The following THBS1 variants were observed in gnomAD, a reference collection of about 807,000 sequenced individuals.
THBS1 encodes thrombospondin 1, also known as thrombospondin-1.
In THBS1, 29 loss-of-function variants were observed where a neutral mutation model predicts 126.1. The ratio of observed to expected loss-of-function variants is 0.23; its 90% confidence interval spans 0.17 to 0.31. The LOEUF (loss-of-function observed/expected upper bound fraction) is 0.31, where lower values mean the gene tolerates loss of function less well. THBS1 is among the 10% of genes least tolerant of loss of function. THBS1 has a pLI of 1.00. For missense variants in THBS1, 1,198 were observed against 1,545.2 expected (o/e 0.78, Z 3.77); for synonymous variants, 496 against 577.8 (o/e 0.86, Z 2.03).
chr15:39,586,362 G>C (rs1333556051), intron 7 of THBS1, among the ~76,000 whole-genome samples: 4 of 152,190 alleles, frequency 2.6e-5, no homozygotes, highest in Non-Finnish European at 4.4e-5. Flanking sequence ...CACTTAACAT[G>C]TGCGTTAAAA....
chr15:39,593,173 C>T lies in THBS1; in HGVS notation c.2941C>T (p.His981Tyr). ...SQNDPNWVVR[H>Y]QGKELVQTVN... ...AAATGACCCTAACTGGGTTGTACGC[C>T]ATCAGGGTAAAGAACTCGTCCAGAC... is the stretch of plus-strand genomic sequence containing the variant. Residue 981 changes from histidine to tyrosine, a missense_variant, in exon 18 of 22, where the codon CAT (histidine) becomes TAT (tyrosine). Physicochemically the swap from His to Tyr is moderately conservative, Grantham distance 83. Around this residue, in one of 4 missense-constraint regions of THBS1, gnomAD observed 255 missense variants for 373.9 expected, o/e 0.68. Transcript: ENST00000260356. This position sits in a 1 kb window ranked among gnomAD's most constrained non-coding sequence, Gnocchi z 5.9. 6.2e-7 allele frequency: 1 copy of T among 1,611,498 alleles called. No homozygotes were observed.
At chr15:39,591,057 T>C (rs1294761059) in intron 14 of THBS1, 134 bp from the exon 15 acceptor site, 37 of 983,486 alleles carry the variant, frequency 3.8e-5, no homozygotes, top group Non-Finnish European at 5.4e-5. Flanking sequence ...TTACACTGAG[T>C]GATCAATTAG....
At position 39,593,236 on chromosome 15, in the gene THBS1, C is replaced by A. The variant is rs753227289; in HGVS notation, c.2995+9C>A. 6.2e-7 allele frequency: 1 copy of A among 1,613,026 alleles called. No individual in the cohort carries two copies. The highest frequency in any genetic ancestry group is 8.5e-7 in the Non-Finnish European group (1 of 1,179,086). ...TCCTGGACTCGCTGTAGGTGAGTAG[C>A]GAGTTCTTAGATCCTAAGAGACTGA... On this transcript the variant is annotated intron_variant, in intron 18 of 21. Coordinates refer to ENST00000260356, the MANE Select transcript of THBS1 (RefSeq NM_003246.4). This position sits in a 1 kb window ranked among gnomAD's most constrained non-coding sequence, Gnocchi z 5.9.
In THBS1 at chr15:39,591,287, G is replaced by A; in HGVS notation, c.2350G>A (p.Asp784Asn). The change falls in exon 15 of 22, where the codon GAT becomes AAT. Residue 784 changes from aspartate to asparagine, a missense_variant. This residue lies in a region of THBS1 where 663 missense variants were observed against 860.1 expected (regional missense o/e 0.77). Coordinates refer to ENST00000260356, the MANE Select transcript of THBS1 (RefSeq NM_003246.4). ...CAACTGTCCCTACAACCACAACCCA[G>A]ATCAGGCAGACACAGACAACAATGG... ...CDNCPYNHNPDQADTDNNGEG... is the reference protein window; with the variant it reads ...CDNCPYNHNPNQADTDNNGEG... 6.2e-7 allele frequency: 1 copy of A among 1,614,210 alleles called. No homozygotes were observed. Among genetic ancestry groups the A allele is most frequent in the Non-Finnish European group, 8.5e-7 (1 of 1,180,038 alleles).
Position 39,581,639 on chromosome 15 carries a change from C to CCTCTCTCTCTCTCTCT in THBS1, c.-29-176_-29-161dup, listed in dbSNP as rs3138595. On this transcript the variant is annotated intron_variant, in intron 1 of 21. Coordinates refer to ENST00000260356, the MANE Select transcript of THBS1 (RefSeq NM_003246.4). ...TTAAAACCAGCATCTCTTTCCTCCA[C>CCTCTCTCTCTCTCTCT]CTCTCTCTCTCTCTCTCTCTCTCTC... 722 of 366,000 alleles carry CCTCTCTCTCTCTCTCT rather than the reference C, an allele frequency of 2.0e-3. 17 individuals carry two copies. The highest frequency in any genetic ancestry group is 0.018 in the African/African-American group (659 of 36,446). The allele number at this position is 366,000 out of a possible 1,614,324, so 22.7% of individuals were successfully genotyped here.
At chr15:39,582,861 AT>A in intron 3 of THBS1, 109 bp downstream of exon 3, 2 of 1,259,494 alleles carry the variant, frequency 1.6e-6, no homozygotes, top group Non-Finnish European at 2.1e-6. Flanking sequence ...CAGTTCTCAG[AT>A]TTTAGGCAGC....
In THBS1 at chr15:39,595,953, C is replaced by T. The variant is rs1400899552; in HGVS notation, c.*584C>T. On this transcript the variant is annotated 3_prime_UTR_variant, in exon 22 of 22. Transcript: ENST00000260356. ...TGCTGGATTTCATGATGCTGACTGG[C>T]GTTAGCTGATTAACCCATGTAAATA... The T allele has an allele frequency of 3.2e-5, 14 of 436,708 alleles. No homozygotes were observed. Among genetic ancestry groups the T allele is most frequent in the South Asian group, 8.1e-5 (5 of 61,364 alleles). 27.1% of individuals were successfully genotyped at this position (436,708 alleles called of 1,614,324 possible).
chr15:39,582,552 G>A lies in THBS1; in HGVS notation c.427G>A (p.Val143Met). 6.2e-7 allele frequency: 1 copy of A among 1,614,180 alleles called. No homozygotes were observed. Among genetic ancestry groups the A allele is most frequent in the Admixed American group, 1.7e-5 (1 of 60,016 alleles). ...TVQGKQHVVS[V>M]EEALLATGQW... is the part of the protein sequence containing the mutation. Reference sequence around the variant, plus strand: ...CCAAGGAAAGCAGCACGTGGTGTCTGTGGAAGAAGCTCTCCTGGCAACCGG... The same window carrying A: ...CCAAGGAAAGCAGCACGTGGTGTCTATGGAAGAAGCTCTCCTGGCAACCGG... The change falls in exon 3 of 22, where the codon GTG (valine) becomes ATG (methionine). Residue 143 changes from valine (V) to methionine (M), a missense_variant. Physicochemically the swap from Val to Met is conservative, Grantham distance 21. Coordinates refer to ENST00000260356, the MANE Select transcript of THBS1 (RefSeq NM_003246.4).
At chr15:39,586,934 G>C (rs1352790365) in intron 7 of THBS1, 1 of 158,154 alleles carries the variant, frequency 6.3e-6, no homozygotes, top group Non-Finnish European at 1.4e-5. Flanking sequence ...TGGGCCGTTG[G>C]CCTAAGAAAT....
In THBS1 at chr15:39,598,729, A is replaced by G. The variant is rs1890537816; in HGVS notation, c.*3360A>G. 6.6e-6 allele frequency: 1 copy of G among 152,122 alleles called. No individual in the cohort carries two copies. Among genetic ancestry groups the G allele is most frequent in the Admixed American group, 6.5e-5 (1 of 15,280 alleles). The allele number at this position is 152,122 out of a possible 1,614,324, so 9.4% of individuals were successfully genotyped here. A position where few individuals can be genotyped will look rare whatever the true frequency, so the allele number is the denominator to read the frequency against. On this transcript the variant is annotated 3_prime_UTR_variant, in exon 22 of 22. Coordinates refer to ENST00000260356, the MANE Select transcript of THBS1 (RefSeq NM_003246.4). ...ATGATAGCTTTTTTCCTCCTCCAAC[A>G]GTTTATTGTCATGTGTTGTGGGAGA...
chr15:39,582,842 C>T, intron 3 of THBS1, 90 bp downstream of exon 3: 2 of 1,389,142 alleles, frequency 1.4e-6, no homozygotes, highest in Non-Finnish European at 1.9e-6. Context: ...TGTCTGTAAA[C>T]TAACGCAGCA....
chr15:39,583,755 T>A (rs1423838649), intron 4 of THBS1, 63 bp downstream of exon 4: 1 of 1,540,188 alleles, frequency 6.5e-7, no homozygotes. Flanking sequence ...AAAAACAAAC[T>A]GAGGAATTTA....
At position 39,593,714 on chromosome 15, in the gene THBS1, G is replaced by C; in HGVS notation, c.3267+46G>C. The C allele has an allele frequency of 6.3e-7, 1 of 1,597,764 alleles. No homozygotes were observed. The highest frequency in any genetic ancestry group is 1.3e-5 in the African/African-American group (1 of 74,484). Reference sequence around the variant, plus strand: ...ACAGAGAGAGAGCTTATGGGTGCCTGACTAGCACTGGGGATGCTGTGCTTT... The same window carrying C: ...ACAGAGAGAGAGCTTATGGGTGCCTCACTAGCACTGGGGATGCTGTGCTTT... On this transcript the variant is annotated intron_variant, in intron 19 of 21. Transcript: ENST00000260356. The surrounding 1 kb of genome is among the most constrained non-coding windows in gnomAD (Gnocchi z 5.9).
chr15:39,581,958 G>A (rs369067326), intron 2 of THBS1, 34 bp downstream of exon 2: 1 of 1,611,148 alleles, frequency 6.2e-7, no homozygotes, highest in African/African-American at 1.3e-5. Context: ...GGGAAGGAGG[G>A]ACAAGGAAGA....
rs1207632442 is a variant in THBS1, at chr15:39,594,709, T to C, written c.3505+269T>C. Among the ~76,000 whole-genome samples the C allele has an allele frequency of 6.6e-6, 1 of 152,250 alleles. No individual in the cohort carries two copies. The highest frequency in any genetic ancestry group is 1.5e-5 in the Non-Finnish European group (1 of 68,042). The stretch of plus-strand genomic sequence containing the variant: ...AAGGTAAGCTGCAGAAAAGCTCCTA[T>C]ATAATTTGGACTTCATTAATAATAC... On this transcript the variant is annotated intron_variant, in intron 21 of 21. Transcript: ENST00000260356. The surrounding 1 kb of genome is among the most constrained non-coding windows in gnomAD (Gnocchi z 4.4).
In THBS1 at chr15:39,581,654, C is replaced by T. The variant is rs534714843; in HGVS notation, c.-29-175C>T. 1.4e-5 allele frequency: 7 copies of T among 489,342 alleles called. No homozygotes were observed. The East Asian group carries it at 2.2e-4, about 15-fold the overall frequency. 30.3% of individuals were successfully genotyped at this position (489,342 alleles called of 1,614,324 possible). A position where few individuals can be genotyped will look rare whatever the true frequency, so the allele number is the denominator to read the frequency against. Reference sequence around the variant, plus strand: ...CTTTCCTCCACCTCTCTCTCTCTCTCTCTCTCTCTCTCTCATGCTCTCTGG... The same window carrying T: ...CTTTCCTCCACCTCTCTCTCTCTCTTTCTCTCTCTCTCTCATGCTCTCTGG... On this transcript the variant is annotated intron_variant, in intron 1 of 21. Transcript: ENST00000260356.
At chr15:39,590,084 G>GC in intron 13 of THBS1, 61 bp downstream of exon 13, 1 of 1,381,106 alleles carries the variant, frequency 7.2e-7, no homozygotes, top group Non-Finnish European at 9.7e-7. Flanking sequence ...CAAAACACAG[G>GC]CTAAGGAATT....
At chr15:39,591,449 G>A in intron 15 of THBS1, 56 bp from the exon 16 acceptor site, 5 of 1,610,606 alleles carry the variant, frequency 3.1e-6, no homozygotes, top group Admixed American at 1.7e-5. Flanking sequence ...ATGCACTTTG[G>A]TGGAAACATC....
chr15:39,589,798 C>T lies in THBS1; in HGVS notation c.1927-7C>T, dbSNP rs1890290476. 1.2e-6 allele frequency: 2 copies of T among 1,600,850 alleles called. No homozygotes were observed. Among genetic ancestry groups the T allele is most frequent in the Middle Eastern group, 1.7e-4 (1 of 5,976 alleles). On this transcript the variant is annotated splice_region_variant and splice_polypyrimidine_tract_variant and intron_variant, in intron 12 of 21. Transcript: ENST00000260356. This position sits in a 1 kb window ranked among gnomAD's most constrained non-coding sequence, Gnocchi z 4.7. ...CTCTGTGTAACAGCAGCATGGTGTA[C>T]CCTCAGGTGTGCAAGCCCCGTAACC...
Sources: allele counts gnomAD v4.1 joint callset (sites outside exome capture counted in the v4.1 genomes callset), GRCh38; gene constraint gnomAD v4.1.1; regional missense constraint gnomAD v4.1.1; non-coding constraint Gnocchi (gnomAD v3.1); transcripts MANE v1.5; gene names NCBI Gene and HGNC (gene_info 2026-07-23, HGNC 2026-07-21).